Variants in CLVS1 observed in about 807,000 individuals in gnomAD.
CLVS1 encodes clavesin 1.
Under a neutral mutation model 33.1 loss-of-function variants are expected in CLVS1, and 10 were observed. The ratio of observed to expected loss-of-function variants is 0.30; its 90% CI spans 0.19 to 0.51. The LOEUF (loss-of-function observed/expected upper bound fraction) is 0.51, where lower values mean the gene tolerates loss of function less well. Among genes scored for constraint, CLVS1 ranks in the 20% least tolerant of loss-of-function variants. The probability of loss-of-function intolerance (pLI) is 0.97; values close to 1 mark genes in which losing one functional copy is unlikely to be tolerated. For missense variants in CLVS1, 343 were observed against 433.4 expected, an observed-to-expected ratio of 0.79 and a Z score of 1.85; for synonymous variants, 163 against 166.1, an observed-to-expected ratio of 0.98 and a Z score of 0.14.
intron 2 of CLVS1, among the ~76,000 whole-genome samples, chr8:61,196,617 A>C (rs1185931109): frequency 1.3e-5 from 2 of 152,208 alleles, no homozygotes; most frequent in Admixed American, 1.3e-4. Flanking sequence ...CTACTGCCAG[A>C]GATAAGCTTC....
At chr8:61,116,217 G>A (rs2129289025) in intron 1 of CLVS1, among the ~76,000 whole-genome samples, 1 of 151,764 alleles carries the variant, frequency 6.6e-6, no homozygotes, top group Non-Finnish European at 1.5e-5. Flanking sequence ...TTTTTGATGG[G>A]GTTGTTTGTT....
chr8:61,080,697 A>G (rs1488663890), intron 1 of CLVS1, among the ~76,000 whole-genome samples: 1 of 152,252 alleles, frequency 6.6e-6, no homozygotes, highest in African/African-American at 2.4e-5. Flanking sequence ...TTGGAAGAAT[A>G]TGGAGATTAG....
At chr8:61,201,781 C>T (rs1235628810) in intron 2 of CLVS1, among the ~76,000 whole-genome samples, 1 of 152,192 alleles carries the variant, frequency 6.6e-6, no homozygotes, top group Non-Finnish European at 1.5e-5. Flanking sequence ...GTTTGAAATG[C>T]TTGTTCCCCA....
At chr8:61,147,961 AC>A (rs1806452904) in intron 2 of CLVS1, among the ~76,000 whole-genome samples, 1 of 152,244 alleles carries the variant, frequency 6.6e-6, no homozygotes, top group Non-Finnish European at 1.5e-5. Context: ...AAAAATCAAA[AC>A]CGTGTATTCT....
upstream of CLVS1, among the ~76,000 whole-genome samples, chr8:61,283,158 C>T (rs1809709800): frequency 6.6e-6 from 1 of 152,340 alleles, no homozygotes; most frequent in East Asian, 1.9e-4. Flanking sequence ...GCTCCTTCCT[C>T]AGCCTTTCTA....
At chr8:60,972,723 A>G in the CLVS1 span, among the ~76,000 whole-genome samples, 3 of 152,162 alleles carry the variant, frequency 2.0e-5, no homozygotes, top group African/African-American at 7.2e-5. Context: ...GTTTTCCACA[A>G]CACTATGATT....
intron 2 of CLVS1, among the ~76,000 whole-genome samples, chr8:61,234,665 C>T (rs1681311952): frequency 6.6e-6 from 1 of 152,106 alleles, no homozygotes; most frequent in South Asian, 2.1e-4. Flanking sequence ...GCATAACTTG[C>T]CCAAGATCAC....
intron 3 of CLVS1, among the ~76,000 whole-genome samples, chr8:61,383,427 T>G (rs942980170): frequency 6.6e-6 from 1 of 152,254 alleles, no homozygotes; most frequent in Admixed American, 6.5e-5. Context: ...TATTAAAGAA[T>G]GTTAGATAGA....
At chr8:61,168,373 G>A (rs1490929576) in intron 2 of CLVS1, among the ~76,000 whole-genome samples, 2 of 152,162 alleles carry the variant, frequency 1.3e-5, no homozygotes, top group African/African-American at 4.8e-5. Flanking sequence ...GACTTAAAAA[G>A]AGCCTAATCA....
intron 2 of CLVS1, among the ~76,000 whole-genome samples, chr8:61,200,240 T>A (rs1329621742): frequency 6.6e-6 from 1 of 152,188 alleles, no homozygotes; most frequent in Non-Finnish European, 1.5e-5. Context: ...CACCTCAGCC[T>A]CCCAAGTAGC....
chr8:61,085,146 G>C (rs1805095170), intron 1 of CLVS1, among the ~76,000 whole-genome samples: 1 of 152,182 alleles, frequency 6.6e-6, no homozygotes, highest in African/African-American at 2.4e-5. Flanking sequence ...GCAATGTCCT[G>C]CCAGTCAGTT....
chr8:60,990,606 A>C, the CLVS1 span, among the ~76,000 whole-genome samples: 1 of 152,128 alleles, frequency 6.6e-6, no homozygotes, highest in Non-Finnish European at 1.5e-5. Context: ...AAAAGTAAAA[A>C]ATTTGAGAGA....
chr8:61,342,442 T>C (rs1330521770), intron 2 of CLVS1, among the ~76,000 whole-genome samples: 1 of 152,230 alleles, frequency 6.6e-6, no homozygotes, highest in Non-Finnish European at 1.5e-5. Context: ...CAGAGCTCCC[T>C]GAGAAGCGCT....
At chr8:61,083,496 A>G (rs1469048464) in intron 1 of CLVS1, among the ~76,000 whole-genome samples, 2 of 152,156 alleles carry the variant, frequency 1.3e-5, no homozygotes, top group Non-Finnish European at 2.9e-5. Context: ...CAGGGAGAAC[A>G]CAAAGACTGA....
intron 2 of CLVS1, among the ~76,000 whole-genome samples, chr8:61,356,793 T>G (rs1812728833): frequency 6.6e-6 from 1 of 152,254 alleles, no homozygotes; most frequent in Non-Finnish European, 1.5e-5. Context: ...TTGGTACCAG[T>G]ACCATGCTGT....
chr8:61,281,209 T>C (rs2129593198), intron 2 of CLVS1, among the ~76,000 whole-genome samples: 1 of 152,294 alleles, frequency 6.6e-6, no homozygotes, highest in Middle Eastern at 3.4e-3. Flanking sequence ...TGTTAAGCTG[T>C]GTGAGAAGGA....
At chr8:61,311,191 T>A (rs1810819012) in intron 2 of CLVS1, among the ~76,000 whole-genome samples, 1 of 152,212 alleles carries the variant, frequency 6.6e-6, no homozygotes, top group Non-Finnish European at 1.5e-5. Context: ...AGCTGTTGAT[T>A]GATGAGGGAT....
intron 2 of CLVS1, among the ~76,000 whole-genome samples, chr8:61,278,622 A>G (rs991931198): frequency 3.9e-5 from 6 of 152,206 alleles, no homozygotes; most frequent in African/African-American, 1.4e-4. Context: ...GTCATCAGGG[A>G]TTAATGTGTG....
chr8:61,478,200 G>A (rs940599395), intron 5 of CLVS1, among the ~76,000 whole-genome samples: 5 of 151,898 alleles, frequency 3.3e-5, no homozygotes, highest in Non-Finnish European at 5.9e-5. Context: ...TATAATTTCT[G>A]TTCTTTTACA....
Sources: allele counts gnomAD v4.1 joint callset (sites outside exome capture counted in the v4.1 genomes callset), GRCh38; gene constraint gnomAD v4.1.1; transcripts MANE v1.5; gene names NCBI Gene and HGNC (gene_info 2026-07-23, HGNC 2026-07-21).